Variants in PLB1 observed in about 807,000 individuals in gnomAD.
PLB1 encodes phospholipase B1, also known as phospholipase B1, membrane-associated.
A neutral mutation model predicts 227.4 loss-of-function variants in PLB1; 242 were observed. The ratio of observed to expected loss-of-function variants is 1.06; its 90% CI spans 0.96 to 1.18. PLB1 has a LOEUF of 1.18. Among genes scored for constraint, PLB1 ranks in the 50% most tolerant of loss-of-function variants. PLB1 has a pLI of 0.00. For synonymous variants in PLB1, 757 were observed against 682.2 expected, an observed-to-expected ratio of 1.11 and a Z score of -1.71; for missense variants, 1,858 against 1,816.3, an observed-to-expected ratio of 1.02 and a Z score of -0.42.
At chr2:28,537,941 T>C (rs1454666130) in intron 9 of PLB1, among the ~76,000 whole-genome samples, 1 of 152,218 alleles carries the variant, frequency 6.6e-6, no homozygotes, top group East Asian at 1.9e-4. Context: ...CTGTTGGACC[T>C]GATTTTCTTT....
At chr2:28,566,672 A>C (rs1333354517) in intron 19 of PLB1, 124 bp from the exon 20 acceptor site, 6 of 1,030,300 alleles carry the variant, frequency 5.8e-6, no homozygotes, top group Middle Eastern at 4.1e-4. Context: ...AGTGATGGGG[A>C]AAGTGCAAGC....
intron 4 of PLB1, among the ~76,000 whole-genome samples, chr2:28,522,305 G>A (rs4281862): frequency 1.3e-5 from 2 of 151,934 alleles, no homozygotes; most frequent in Non-Finnish European, 1.5e-5. Flanking sequence ...ACCAACTGTA[G>A]GCCCACTGAA....
intron 34 of PLB1, among the ~76,000 whole-genome samples, 194 bp downstream of exon 34, chr2:28,598,242 A>C (rs1217089238): frequency 6.6e-6 from 1 of 152,212 alleles, no homozygotes; most frequent in African/African-American, 2.4e-5. Flanking sequence ...TGAAGATCTG[A>C]GTTCAATCCC....
intron 22 of PLB1, among the ~76,000 whole-genome samples, chr2:28,579,260 C>T (rs934773983): frequency 6.6e-6 from 1 of 152,134 alleles, no homozygotes; most frequent in Non-Finnish European, 1.5e-5. Context: ...GATTCTGGAA[C>T]AAACATTCCT....
At chr2:28,588,190 T>A (rs893814403) in intron 26 of PLB1, among the ~76,000 whole-genome samples, 76 of 152,296 alleles carry the variant, frequency 5.0e-4, no homozygotes, top group Middle Eastern at 3.4e-3. Flanking sequence ...CTCTACACAC[T>A]ATTTCTTTCC....
At chr2:28,519,851 T>G in intron 4 of PLB1, 88 bp downstream of exon 4, 1 of 968,638 alleles carries the variant, frequency 1.0e-6, no homozygotes, top group Non-Finnish European at 1.6e-6. Flanking sequence ...GCAGAACGTT[T>G]CATTTTGGGA....
At chr2:28,554,025 A>G (rs1674637812) in intron 17 of PLB1, among the ~76,000 whole-genome samples, 1 of 152,190 alleles carries the variant, frequency 6.6e-6, no homozygotes, top group Non-Finnish European at 1.5e-5. Context: ...AGTTAAAAAT[A>G]TTCTAACCAA....
intron 13 of PLB1, 116 bp from the exon 14 acceptor site, chr2:28,543,096 G>C: frequency 1.8e-6 from 2 of 1,118,776 alleles, no homozygotes; most frequent in South Asian, 3.0e-5. Flanking sequence ...GAGAGAAAAG[G>C]CCTGGACAGA....
At chr2:28,611,101 A>T (rs1399750519) in intron 43 of PLB1, among the ~76,000 whole-genome samples, 4 of 152,052 alleles carry the variant, frequency 2.6e-5, no homozygotes, top group Admixed American at 2.6e-4. Context: ...AGTTGGAAAA[A>T]AAAGAAAAGA....
intron 49 of PLB1, among the ~76,000 whole-genome samples, chr2:28,622,653 C>A (rs978435473): frequency 6.6e-6 from 1 of 152,138 alleles, no homozygotes; most frequent in Non-Finnish European, 1.5e-5. Flanking sequence ...CATTGAGGGC[C>A]GAGGTAGGTG....
intron 51 of PLB1, among the ~76,000 whole-genome samples, chr2:28,627,603 T>C (rs1460221208): frequency 1.3e-5 from 2 of 152,204 alleles, no homozygotes; most frequent in African/African-American, 4.8e-5. Flanking sequence ...ATTGTCTATC[T>C]TGTTCCTTTC....
Position 28,543,132 on chromosome 2 carries a change from A to G in PLB1, c.880-80A>G, listed in dbSNP as rs1345190248. 2.1e-6 allele frequency: 3 copies of G among 1,454,450 alleles called. No homozygotes were observed. In the African/African-American group the frequency reaches 4.2e-5, roughly 20 times the overall value. 90.1% of individuals were successfully genotyped at this position (1,454,450 alleles called of 1,614,324 possible). A position where few individuals can be genotyped will look rare whatever the true frequency, so the allele number is the denominator to read the frequency against. ...TCAGGCTGCCCCAACTCTATGCCAGAGAGAGCTTCAAAGTGTGTAGCAGGT... is the reference window on the plus strand; with the variant it reads ...TCAGGCTGCCCCAACTCTATGCCAGGGAGAGCTTCAAAGTGTGTAGCAGGT... On this transcript the variant is annotated intron_variant, in intron 13 of 57. Transcript: ENST00000327757.
chr2:28,511,880 G>A (rs938373764), intron 1 of PLB1, among the ~76,000 whole-genome samples: 1 of 150,046 alleles, frequency 6.7e-6, no homozygotes, highest in Non-Finnish European at 1.5e-5. Flanking sequence ...TGCCTCCTGG[G>A]TTCAAGTAAT....
chr2:28,594,741 G>C (rs548397900), intron 33 of PLB1: 1 of 152,290 alleles, frequency 6.6e-6, no homozygotes, highest in South Asian at 2.1e-4. Flanking sequence ...CAAGAACAGA[G>C]GTCAGTGCCT....
At chr2:28,554,882 A>G (rs1674808155) in intron 17 of PLB1, among the ~76,000 whole-genome samples, 1 of 152,110 alleles carries the variant, frequency 6.6e-6, no homozygotes, top group African/African-American at 2.4e-5. Flanking sequence ...TTAAAGATCA[A>G]GAAATCTCAA....
At chr2:28,614,167 A>G (rs964837767) in intron 44 of PLB1, 71 bp downstream of exon 44, 71 of 1,408,476 alleles carry the variant, frequency 5.0e-5, no homozygotes, top group African/African-American at 4.8e-4. Context: ...CGGGTGTGGT[A>G]CAGGTTTCAG....
chr2:28,540,518 A>G, intron 12 of PLB1, 77 bp downstream of exon 12: 2 of 1,207,574 alleles, frequency 1.7e-6, no homozygotes, highest in East Asian at 4.9e-5. Flanking sequence ...AGTGATAGGG[A>G]CAATTAGTTG....
At chr2:28,521,896 C>T (rs924085355) in intron 4 of PLB1, among the ~76,000 whole-genome samples, 19 of 151,952 alleles carry the variant, frequency 1.3e-4, no homozygotes, top group African/African-American at 4.6e-4. Context: ...CTCCCCACTC[C>T]GCCTCCCATG....
chr2:28,517,870 C>CTTT (rs751699033), intron 2 of PLB1, among the ~76,000 whole-genome samples: 131 of 133,832 alleles, frequency 9.8e-4, no homozygotes, highest in East Asian at 4.4e-3. Flanking sequence ...AGAACTTTCT[C>CTTT]TTTTTTTTTT....
Sources: gnomAD v4.1 joint callset for allele counts (sites outside exome capture counted in the v4.1 genomes callset) on GRCh38, gnomAD v4.1.1 for gene constraint, MANE v1.5 for transcripts, NCBI Gene and HGNC (gene_info 2026-07-23, HGNC 2026-07-21) for gene names.